The following XIRP2 variants were observed in gnomAD, a reference collection of about 807,000 sequenced individuals.
XIRP2 encodes xin actin binding repeat containing 2.
A neutral mutation model predicts 277.0 loss-of-function variants in XIRP2; 236 were observed. That is an observed-to-expected ratio of 0.85 (90% CI 0.77 to 0.95). XIRP2 has a LOEUF of 0.95. XIRP2 is among the 40% of genes least tolerant of loss of function. The pLI, the probability that XIRP2 is intolerant of heterozygous loss-of-function variation, is 0.00. For synonymous variants in XIRP2, 1,490 were observed against 1,416.5 expected, an observed-to-expected ratio of 1.05 and a Z score of -1.17; for missense variants, 4,640 against 4,157.5, an observed-to-expected ratio of 1.12 and a Z score of -3.19.
chr2:166,966,976 C>T (rs1686449687), intron 2 of XIRP2, among the ~76,000 whole-genome samples: 1 of 151,884 alleles, frequency 6.6e-6, no homozygotes, highest in African/African-American at 2.4e-5. Flanking sequence ...GAACAACATC[C>T]TCAGGAGATT....
chr2:167,215,114 G>A (rs1002260723), intron 4 of XIRP2, among the ~76,000 whole-genome samples: 2 of 151,974 alleles, frequency 1.3e-5, no homozygotes, highest in African/African-American at 4.8e-5. Flanking sequence ...AATTTATCCA[G>A]GAAAGCCACT....
At chr2:166,999,767 A>G (rs1351909224) in intron 2 of XIRP2, among the ~76,000 whole-genome samples, 1 of 152,138 alleles carries the variant, frequency 6.6e-6, no homozygotes, top group Non-Finnish European at 1.5e-5. Context: ...CTTGTCAACA[A>G]CATTTTTTCT....
chr2:167,096,465 G>A (rs1192229694), intron 2 of XIRP2, among the ~76,000 whole-genome samples: 1 of 151,830 alleles, frequency 6.6e-6, no homozygotes, highest in Non-Finnish European at 1.5e-5. Context: ...CTGGTTAGTG[G>A]TCTATCTATT....
intron 5 of XIRP2, among the ~76,000 whole-genome samples, chr2:167,237,219 T>G (rs1160632528): frequency 6.6e-6 from 1 of 152,188 alleles, no homozygotes; most frequent in Non-Finnish European, 1.5e-5. Flanking sequence ...CATAGATTGT[T>G]TTTACTCAAG....
In XIRP2 at chr2:167,249,000, T is replaced by C. The variant is rs1695379813; in HGVS notation, c.7608T>C (p.Tyr2536=). The change falls in exon 9 of 11, where the codon TAT becomes TAC. Residue 2536 remains tyrosine (Y), a synonymous_variant. Coordinates refer to ENST00000409195, the MANE Select transcript of XIRP2 (RefSeq NM_152381.6). ...ESSGQQNPKP[Y]MRKFKTPLMI... ...CAGGACAACAAAATCCAAAACCTTA[T>C]ATGAGAAAATTTAAGACACCTTTAA... The C allele has an allele frequency of 6.2e-7, 1 of 1,611,360 alleles. No individual in the cohort carries two copies. The highest frequency in any genetic ancestry group is 1.3e-5 in the African/African-American group (1 of 74,672).
intron 3 of XIRP2, among the ~76,000 whole-genome samples, chr2:167,155,277 G>A (rs201415497): frequency 0.095 from 14,247 of 150,706 alleles, 718 homozygotes; most frequent in South Asian, 0.14. Flanking sequence ...ACCAAAGCTG[G>A]GCAGAGACAC....
Position 167,186,226 on chromosome 2 carries a change from C to G in XIRP2, c.563-24509C>G, listed in dbSNP as rs185930928. Among the ~76,000 whole-genome samples, 192 of 152,252 alleles carry G rather than the reference C, an allele frequency of 1.3e-3. 1 individual carries two copies. The highest frequency in any genetic ancestry group is 4.5e-3 in the African/African-American group (186 of 41,552). On this transcript the variant is annotated intron_variant, in intron 3 of 10. Coordinates refer to ENST00000409195, the MANE Select transcript of XIRP2 (RefSeq NM_152381.6). ...ATACTGGCTCCTGGCCCTGAACACT[C>G]TTGTGGAGTATATAGAACACTATCT...
intron 2 of XIRP2, among the ~76,000 whole-genome samples, chr2:167,083,869 A>T (rs1406059385): frequency 6.6e-6 from 1 of 151,970 alleles, no homozygotes; most frequent in Non-Finnish European, 1.5e-5. Flanking sequence ...CTAGATATAC[A>T]ATCATGTCGT....
chr2:167,106,136 T>C (rs993602646), intron 2 of XIRP2, among the ~76,000 whole-genome samples: 1 of 151,680 alleles, frequency 6.6e-6, no homozygotes, highest in East Asian at 1.9e-4. Flanking sequence ...CTTTTTGTCA[T>C]CTTATTAAGG....
At chr2:167,139,087 T>C (rs1321848899) in intron 3 of XIRP2, among the ~76,000 whole-genome samples, 2 of 149,642 alleles carry the variant, frequency 1.3e-5, no homozygotes, top group Admixed American at 6.7e-5. Flanking sequence ...TATATATGCA[T>C]ATATATACGT....
At chr2:166,986,820 C>T (rs535903565) in intron 2 of XIRP2, among the ~76,000 whole-genome samples, 6 of 152,326 alleles carry the variant, frequency 3.9e-5, no homozygotes, top group African/African-American at 1.4e-4. Flanking sequence ...AGAGGATGCA[C>T]AGCATAAATA....
chr2:167,118,488 A>ATAAAAT lies in XIRP2; in HGVS notation c.409-17420_409-17415dup, dbSNP rs1491162467. Among the ~76,000 whole-genome samples, 273 of 106,502 alleles carry ATAAAAT rather than the reference A, an allele frequency of 2.6e-3. 1 individual carries two copies. The highest frequency in any genetic ancestry group is 5.9e-3 in the East Asian group (19 of 3,236). 69.9% of individuals were successfully genotyped at this position (106,502 alleles called of 152,430 possible). A position where few individuals can be genotyped will look rare whatever the true frequency, so the allele number is the denominator to read the frequency against. On this transcript the variant is annotated intron_variant, in intron 2 of 10. Coordinates refer to ENST00000409195, the MANE Select transcript of XIRP2 (RefSeq NM_152381.6). Reference sequence around the variant, plus strand: ...CACAGCAAGACTCTGTCTCGATAAAATAAAATAAAATAAAATAAAATAAAA... The same window carrying ATAAAAT: ...CACAGCAAGACTCTGTCTCGATAAAATAAAATTAAAATAAAATAAAATAAAATAAAA...
intron 2 of XIRP2, among the ~76,000 whole-genome samples, chr2:167,031,723 A>C (rs1052485562): frequency 4.6e-5 from 7 of 152,142 alleles, no homozygotes; most frequent in African/African-American, 1.7e-4. Flanking sequence ...AGATAATAAA[A>C]TACCTAGGAG....
At chr2:167,216,018 A>T (rs1027985811) in intron 4 of XIRP2, among the ~76,000 whole-genome samples, 12 of 150,430 alleles carry the variant, frequency 8.0e-5, no homozygotes, top group Non-Finnish European at 1.2e-4. Flanking sequence ...CCTGAGAAAA[A>T]CAAGCAATGG....
chr2:167,087,525 G>T (rs1689995024), intron 2 of XIRP2, among the ~76,000 whole-genome samples: 1 of 151,104 alleles, frequency 6.6e-6, no homozygotes, highest in African/African-American at 2.4e-5. Flanking sequence ...GCAATGGCGG[G>T]TGCCCCTCAC....
intron 2 of XIRP2, among the ~76,000 whole-genome samples, chr2:167,081,778 T>C (rs1028324558): frequency 1.3e-5 from 2 of 152,212 alleles, no homozygotes; most frequent in African/African-American, 4.8e-5. Flanking sequence ...GGCTTTGATG[T>C]ATGATTTCCT....
chr2:166,921,638 G>C (rs527256380), intron 2 of XIRP2, among the ~76,000 whole-genome samples: 7 of 152,150 alleles, frequency 4.6e-5, no homozygotes, highest in Admixed American at 4.6e-4. Flanking sequence ...GTTTTTAACA[G>C]AGTGCTAAGC....
chr2:167,036,131 G>A (rs999454991), intron 2 of XIRP2, among the ~76,000 whole-genome samples: 15 of 152,188 alleles, frequency 9.9e-5, no homozygotes, highest in South Asian at 2.1e-4. Flanking sequence ...CTGCTAGGGC[G>A]GTGTGGAAGG....
At chr2:167,013,693 T>C (rs906717274) in intron 2 of XIRP2, among the ~76,000 whole-genome samples, 1 of 151,684 alleles carries the variant, frequency 6.6e-6, no homozygotes, top group African/African-American at 2.4e-5. Context: ...ACATTTCTAA[T>C]GTAATAGCCT....
Sources: gnomAD v4.1 joint callset for allele counts (sites outside exome capture counted in the v4.1 genomes callset) on GRCh38, gnomAD v4.1.1 for gene constraint, MANE v1.5 for transcripts, NCBI Gene and HGNC (gene_info 2026-07-23, HGNC 2026-07-21) for gene names.